Variants in PLCB1 observed in about 807,000 individuals in gnomAD.
PLCB1 encodes 1-phosphatidylinositol 4,5-bisphosphate phosphodiesterase beta-1.
In PLCB1, 46 loss-of-function variants were observed where a neutral mutation model predicts 161.8. The observed-to-expected ratio is 0.28, with a 90% CI of 0.22 to 0.36. PLCB1 has a LOEUF of 0.36. Among genes scored for constraint, PLCB1 ranks in the 10% least tolerant of loss-of-function variants. The pLI, the probability that PLCB1 is intolerant of heterozygous loss-of-function variation, is 1.00. For missense variants in PLCB1, 1,016 were observed against 1,472.5 expected (o/e 0.69, Z 5.07); for synonymous variants, 517 against 503.7 (o/e 1.03, Z -0.35).
At chr20:8,202,647 T>C (rs1397956923) in intron 2 of PLCB1, among the ~76,000 whole-genome samples, 6 of 152,190 alleles carry the variant, frequency 3.9e-5, no homozygotes, top group Non-Finnish European at 1.5e-5. Flanking sequence ...TTTAATTCAA[T>C]CGCATATGTT....
chr20:8,398,671 C>A (rs571174042), intron 3 of PLCB1, among the ~76,000 whole-genome samples: 1 of 152,194 alleles, frequency 6.6e-6, no homozygotes, highest in Non-Finnish European at 1.5e-5. Flanking sequence ...CTACCTCCAA[C>A]GCCCTATCAC....
intron 2 of PLCB1, among the ~76,000 whole-genome samples, chr20:8,330,965 G>A (rs1391504355): frequency 6.6e-6 from 1 of 152,164 alleles, no homozygotes. Context: ...AGCGCTTCTG[G>A]TACATATGAG....
intron 1 of PLCB1, among the ~76,000 whole-genome samples, chr20:8,149,160 T>C (rs1178448549): frequency 6.6e-6 from 1 of 152,212 alleles, no homozygotes; most frequent in Non-Finnish European, 1.5e-5. Flanking sequence ...TAATCCACTA[T>C]AATAATAATG....
intron 2 of PLCB1, among the ~76,000 whole-genome samples, chr20:8,265,812 T>A (rs1305281950): frequency 6.6e-6 from 1 of 152,158 alleles, no homozygotes; most frequent in Non-Finnish European, 1.5e-5. Flanking sequence ...AGGAACAGTA[T>A]TTAGTGTTTT....
chr20:8,400,691 C>T (rs1428368565), intron 3 of PLCB1, among the ~76,000 whole-genome samples: 3 of 152,100 alleles, frequency 2.0e-5, no homozygotes. Context: ...GCCGTGTCAG[C>T]ACAAATACAA....
chr20:8,174,951 C>T (rs1353044127), intron 2 of PLCB1, among the ~76,000 whole-genome samples: 1 of 151,790 alleles, frequency 6.6e-6, no homozygotes, highest in African/African-American at 2.4e-5. Context: ...CGCCTGTAGT[C>T]CCAGCTACTC....
intron 3 of PLCB1, among the ~76,000 whole-genome samples, chr20:8,504,184 C>A (rs1983535519): frequency 6.6e-6 from 1 of 152,170 alleles, no homozygotes; most frequent in Non-Finnish European, 1.5e-5. Flanking sequence ...CTCTGTGTCA[C>A]CTCCACTCTA....
chr20:8,587,189 T>A (rs1298209160), intron 3 of PLCB1, among the ~76,000 whole-genome samples: 1 of 151,466 alleles, frequency 6.6e-6, no homozygotes, highest in South Asian at 2.1e-4. Flanking sequence ...AATATATATA[T>A]ATATATGATC....
chr20:8,308,972 A>G (rs1002522783), intron 2 of PLCB1, among the ~76,000 whole-genome samples: 4 of 151,934 alleles, frequency 2.6e-5, no homozygotes, highest in African/African-American at 9.7e-5. Flanking sequence ...AAATCCATAT[A>G]GTTTTTTTTT....
chr20:8,438,030 A>G (rs577289278), intron 3 of PLCB1, among the ~76,000 whole-genome samples: 1 of 152,270 alleles, frequency 6.6e-6, no homozygotes, highest in East Asian at 1.9e-4. Flanking sequence ...AGTTTATTTT[A>G]TTATTTGTAG....
chr20:8,507,474 A>C (rs188346352), intron 3 of PLCB1, among the ~76,000 whole-genome samples: 1 of 152,356 alleles, frequency 6.6e-6, no homozygotes, highest in African/African-American at 2.4e-5. Flanking sequence ...GGATCTGAGA[A>C]AGCAACTGAG....
chr20:8,497,724 A>G (rs978931400), intron 3 of PLCB1, among the ~76,000 whole-genome samples: 1 of 152,238 alleles, frequency 6.6e-6, no homozygotes, highest in Admixed American at 6.5e-5. Context: ...AATAAGATTA[A>G]TAAAATATTT....
At chr20:8,871,063 A>G (rs927043231) in intron 31 of PLCB1, among the ~76,000 whole-genome samples, 2 of 152,190 alleles carry the variant, frequency 1.3e-5, no homozygotes, top group South Asian at 2.1e-4. Context: ...GAGATTTTGT[A>G]TGTACATTAC....
intron 3 of PLCB1, among the ~76,000 whole-genome samples, chr20:8,515,939 C>T (rs1984089201): frequency 6.6e-6 from 1 of 152,158 alleles, no homozygotes; most frequent in Non-Finnish European, 1.5e-5. Flanking sequence ...ATGGATTCTA[C>T]ATGGCTGGGG....
At chr20:8,270,437 T>G (rs1982223000) in intron 2 of PLCB1, among the ~76,000 whole-genome samples, 1 of 152,214 alleles carries the variant, frequency 6.6e-6, no homozygotes, top group South Asian at 2.1e-4. Context: ...CTGATTGTTA[T>G]GTAACATGGG....
At chr20:8,353,207 T>C (rs536567329) in intron 2 of PLCB1, among the ~76,000 whole-genome samples, 1 of 152,164 alleles carries the variant, frequency 6.6e-6, no homozygotes, top group East Asian at 1.9e-4. Context: ...TGGAACCAAC[T>C]AAAAGACTTC....
chr20:8,282,509 T>C (rs1025208842), intron 2 of PLCB1, among the ~76,000 whole-genome samples: 4 of 152,220 alleles, frequency 2.6e-5, no homozygotes, highest in South Asian at 4.1e-4. Flanking sequence ...AAGGAAGTTG[T>C]TTGAAGTCAA....
In PLCB1 at chr20:8,519,422, G is replaced by T. The variant is rs561903971; in HGVS notation, c.247-108872G>T. ...AGTAGTAGCAAACTAGGTAAACAAG[G>T]ATGGGGATGAGGAAGTAGGAGGTAC... On this transcript the variant is annotated intron_variant, in intron 3 of 31. Transcript: ENST00000338037. Among the ~76,000 whole-genome samples the T allele has an allele frequency of 3.3e-5, 5 of 152,178 alleles. No homozygotes were observed. In the South Asian group the frequency reaches 1.0e-3, roughly 32 times the overall value.
Position 8,697,739 on chromosome 20 carries a change from G to C in PLCB1, c.1123G>C (p.Val375Leu). Residue 375 changes from valine (V) to leucine (L), a missense_variant, in exon 11 of 32, where the codon GTC (valine) becomes CTC (leucine). Physicochemically the swap from Val to Leu is conservative, Grantham distance 32 (BLOSUM62 1). Coordinates refer to ENST00000338037, the MANE Select transcript of PLCB1 (RefSeq NM_015192.4). ...WKGRTAEEEP[V>L]ITHGFTMTTE... is the part of the protein sequence containing the mutation. ...GGGACGGACTGCAGAAGAGGAACCT[G>C]TCATCACCCATGGCTTCACCATGAC... 6.2e-7 allele frequency: 1 copy of C among 1,614,196 alleles called. No homozygotes were observed. Among genetic ancestry groups the C allele is most frequent in the Non-Finnish European group, 8.5e-7 (1 of 1,180,024 alleles).
Sources: allele counts gnomAD v4.1 joint callset (sites outside exome capture counted in the v4.1 genomes callset), GRCh38; gene constraint gnomAD v4.1.1; transcripts MANE v1.5; gene names NCBI Gene and HGNC (gene_info 2026-07-23, HGNC 2026-07-21).